Variants in ZFHX3 observed in about 807,000 individuals in gnomAD.
ZFHX3 encodes the protein zinc finger homeobox 3, also known as zinc finger homeobox protein 3.
ZFHX3 carries 42 observed loss-of-function variants against 279.1 expected under a neutral mutation model. The observed-to-expected ratio is 0.15, with a 90% CI of 0.12 to 0.19. ZFHX3 has a LOEUF of 0.19. Ranked by LOEUF, ZFHX3 falls within the 10% of genes least tolerant of loss-of-function variation. The probability of loss-of-function intolerance (pLI) is 1.00; values close to 1 mark genes in which losing one functional copy is unlikely to be tolerated. For synonymous variants in ZFHX3, 2,293 were observed against 1,957.8 expected, an observed-to-expected ratio of 1.17 and a Z score of -4.52; for missense variants, 4,981 against 4,754.0, an observed-to-expected ratio of 1.05 and a Z score of -1.40.
chr16:73,383,197 TC>T (rs1237818128), intron 3 of ZFHX3, among the ~76,000 whole-genome samples: 3 of 152,202 alleles, frequency 2.0e-5, no homozygotes, highest in Non-Finnish European at 4.4e-5. Context: ...TTTCAAGTGA[TC>T]AGTGGTCAAA....
At chr16:73,476,393 A>G (rs1404639641) in intron 2 of ZFHX3, among the ~76,000 whole-genome samples, 1 of 152,190 alleles carries the variant, frequency 6.6e-6, no homozygotes, top group Admixed American at 6.5e-5. Flanking sequence ...TTGATTTACA[A>G]AGAAACTCTT....
intron 3 of ZFHX3, among the ~76,000 whole-genome samples, chr16:72,918,510 C>A (rs1447258682): frequency 6.6e-6 from 1 of 152,082 alleles, no homozygotes; most frequent in Non-Finnish European, 1.5e-5. Flanking sequence ...CATCATATCA[C>A]AAGGAAGATG....
At chr16:73,601,860 G>A (rs1435393661) in intron 2 of ZFHX3, among the ~76,000 whole-genome samples, 3 of 152,108 alleles carry the variant, frequency 2.0e-5, no homozygotes, top group African/African-American at 7.2e-5. Context: ...AGGAAATGCT[G>A]GAAAAAAACA....
chr16:73,707,097 A>C (rs1381917966), intron 1 of ZFHX3, among the ~76,000 whole-genome samples: 1 of 152,202 alleles, frequency 6.6e-6, no homozygotes, highest in Non-Finnish European at 1.5e-5. Flanking sequence ...GAATTCATCA[A>C]AGATTTTTAA....
chr16:73,891,750 C>T lies in ZFHX3; in HGVS notation c.-1707G>A, dbSNP rs550208673. The T allele has an allele frequency of 2.6e-5, 4 of 151,252 alleles. No homozygotes were observed. The South Asian group carries it at 8.4e-4, about 32-fold the overall frequency. The allele number at this position is 151,252 out of a possible 1,614,324, so 9.4% of individuals were successfully genotyped here. A position where few individuals can be genotyped will look rare whatever the true frequency, so the allele number is the denominator to read the frequency against. ...TCAGGGTTTTTAGTTCTCTCTCTCT[C>T]TCTCTCTCTCTCTCTCTCTCTCTCT... On this transcript the variant is annotated 5_prime_UTR_variant, in exon 1 of 18. Coordinates refer to the ZFHX3 transcript ENST00000641206.
At chr16:73,279,292 C>T (rs58398550) in intron 4 of ZFHX3, among the ~76,000 whole-genome samples, 21,182 of 151,850 alleles carry the variant, frequency 0.14, 1,540 homozygotes, top group East Asian at 0.2. Flanking sequence ...CCAAAGACTA[C>T]GATATCTGTC....
At chr16:73,136,347 C>T (rs1966792001) in intron 6 of ZFHX3, among the ~76,000 whole-genome samples, 1 of 152,176 alleles carries the variant, frequency 6.6e-6, no homozygotes, top group East Asian at 1.9e-4. Context: ...CCAAACTTGA[C>T]AGTCCAGTTC....
intron 2 of ZFHX3, among the ~76,000 whole-genome samples, chr16:72,953,267 T>C (rs1597007938): frequency 6.7e-6 from 1 of 149,094 alleles, no homozygotes; most frequent in African/African-American, 2.5e-5. Flanking sequence ...TCATTCTTTT[T>C]AGGATAAGAA....
chr16:73,766,593 A>T (rs1873722), intron 1 of ZFHX3, among the ~76,000 whole-genome samples: 1 of 152,098 alleles, frequency 6.6e-6, no homozygotes, highest in Admixed American at 6.6e-5. Context: ...ATTCAAGAAG[A>T]GCTGAAGCTC....
rs1386011667 is a variant in ZFHX3 at position 72,783,106 on chromosome 16, A to G, written c.*4058T>C. On this transcript the variant is annotated 3_prime_UTR_variant, in exon 10 of 10. Coordinates refer to ENST00000268489, the MANE Select transcript of ZFHX3 (RefSeq NM_006885.4). Reference sequence around the variant, plus strand: ...CGAGATCAGCATTGTTACAGTAACAAAAAAGCTAACAAGACTACATTATAG... The same window carrying G: ...CGAGATCAGCATTGTTACAGTAACAGAAAAGCTAACAAGACTACATTATAG... 1 of 152,634 alleles carries G rather than the reference A, an allele frequency of 6.6e-6. No individual in the cohort carries two copies. The highest frequency in any genetic ancestry group is 2.4e-5 in the African/African-American group (1 of 41,452). 9.5% of individuals were successfully genotyped at this position (152,634 alleles called of 1,614,324 possible). A position where few individuals can be genotyped will look rare whatever the true frequency, so the allele number is the denominator to read the frequency against.
chr16:72,787,736 CACTGCCACCGCCGCCGCCGCCGGT>C lies in ZFHX3; in HGVS notation c.10516_10539del (p.Thr3506_Ser3513del), dbSNP rs747391434. The C allele has an allele frequency of 2.9e-6, 4 of 1,394,618 alleles. 1 individual carries two copies. Among genetic ancestry groups the C allele is most frequent in the Non-Finnish European group, 9.3e-7 (1 of 1,072,008 alleles). The allele number at this position is 1,394,618 out of a possible 1,614,324, so 86.4% of individuals were successfully genotyped here. On this transcript the variant is annotated inframe_deletion, in exon 10 of 10. Transcript: ENST00000268489. ...CCGCCGCCACCGCCGCCGCCGCCGC[CACTGCCACCGCCGCCGCCGCCGGT>C]GGGGACGTGAAGCACCATCTCTTGC...
chr16:73,437,630 T>C (rs1179805824), intron 3 of ZFHX3, among the ~76,000 whole-genome samples: 1 of 152,214 alleles, frequency 6.6e-6, no homozygotes, highest in East Asian at 1.9e-4. Flanking sequence ...CCCATTACTT[T>C]TGACATTTAC....
chr16:73,365,869 C>A (rs1426631138), intron 3 of ZFHX3, among the ~76,000 whole-genome samples: 1 of 152,166 alleles, frequency 6.6e-6, no homozygotes, highest in South Asian at 2.1e-4. Context: ...GCAACGGAAC[C>A]AGCACATACA....
rs998514898 is a variant in ZFHX3, at chr16:72,794,364, A to C, written c.8318T>G (p.Leu2773Arg). ...CTGACCATCACTACTGCTTGGGGGT[A>C]GGTGGGAAAAGCTAGTTCCGTCAAA... Reference protein sequence around the residue: ...DIFDGTSFSHLPPSSSDGQGV... With the variant: ...DIFDGTSFSHRPPSSSDGQGV... Residue 2773 changes from leucine (L) to arginine (R), a missense_variant, in exon 9 of 10, where the codon CTA becomes CGA. Physicochemically the swap from Leu to Arg is moderately radical, Grantham distance 102 (BLOSUM62 -2). Transcript: ENST00000268489. The surrounding 1 kb of genome is among the most constrained non-coding windows in gnomAD (Gnocchi z 4.2). 1.2e-6 allele frequency: 2 copies of C among 1,602,322 alleles called. No individual in the cohort carries two copies. Among genetic ancestry groups the C allele is most frequent in the African/African-American group, 2.7e-5 (2 of 74,676 alleles).
At chr16:73,325,085 C>T (rs2015654461) in intron 3 of ZFHX3, among the ~76,000 whole-genome samples, 1 of 152,114 alleles carries the variant, frequency 6.6e-6, no homozygotes, top group African/African-American at 2.4e-5. Flanking sequence ...ACCTCTCTGG[C>T]TGCGAAGTAG....
At position 72,907,022 on chromosome 16, in the gene ZFHX3, G is replaced by A. The variant is rs981307856; in HGVS notation, c.3217-17060C>T. 5.9e-5 allele frequency among the ~76,000 whole-genome samples: 9 copies of A among 152,132 alleles called. 1 individual carries two copies. The South Asian group carries it at 8.3e-4, about 14-fold the overall frequency. The stretch of plus-strand genomic sequence containing the variant: ...CACAGACCTGGCCGTGCTTTCTCCC[G>A]GGGCTACAGTATTAAGATGCAGTCA... On this transcript the variant is annotated intron_variant, in intron 3 of 9. Coordinates refer to ENST00000268489, the MANE Select transcript of ZFHX3 (RefSeq NM_006885.4).
At chr16:73,797,422 C>A (rs1275258369) in intron 1 of ZFHX3, among the ~76,000 whole-genome samples, 1 of 152,180 alleles carries the variant, frequency 6.6e-6, no homozygotes, top group East Asian at 1.9e-4. Context: ...CACAAAGCAA[C>A]AAATGGCAGA....
At chr16:73,029,814 G>A (rs1325518176) in intron 1 of ZFHX3, among the ~76,000 whole-genome samples, 1 of 152,164 alleles carries the variant, frequency 6.6e-6, no homozygotes, top group Non-Finnish European at 1.5e-5. Context: ...GCAGAGGGGA[G>A]ACATTGGCAA....
intron 5 of ZFHX3, among the ~76,000 whole-genome samples, chr16:73,217,635 A>T (rs1003153735): frequency 7.9e-5 from 12 of 152,128 alleles, no homozygotes; most frequent in Non-Finnish European, 1.6e-4. Context: ...GTTACAATGT[A>T]CCCTGGTAAT....
Sources: allele counts gnomAD v4.1 joint callset (sites outside exome capture counted in the v4.1 genomes callset), GRCh38; gene constraint gnomAD v4.1.1; non-coding constraint Gnocchi (gnomAD v3.1); transcripts MANE v1.5; gene names NCBI Gene and HGNC (gene_info 2026-07-23, HGNC 2026-07-21).